The following KRABD3 variants were observed in gnomAD, a reference collection of about 807,000 sequenced individuals.
KRABD3 encodes KRAB domain-containing protein 3.
At chr7:149,730,077 C>T in the KRABD3 span, 6 of 1,431,954 alleles carry the variant, frequency 4.2e-6, no homozygotes, top group Non-Finnish European at 5.5e-6. Context: ...GTTCTGTGTG[C>T]CCAGACACTA....
At chr7:149,725,517 C>T in the KRABD3 span, 25 of 1,576,946 alleles carry the variant, frequency 1.6e-5, no homozygotes, top group African/African-American at 6.8e-5. Context: ...CGCGGGGTGG[C>T]ATGTCCCTGA....
chr7:149,730,681 C>G, the KRABD3 span: 4 of 1,321,864 alleles, frequency 3.0e-6, no homozygotes, highest in East Asian at 7.5e-5. Flanking sequence ...CCAGGGAGTC[C>G]TGCACATTGG....
chr7:149,722,493 A>AACCCC, the KRABD3 span: 1 of 935,712 alleles, frequency 1.1e-6, no homozygotes, highest in East Asian at 4.1e-5. Context: ...CAGCCCTCCC[A>AACCCC]CCCATAGCCC....
chr7:149,734,528 G>C, the KRABD3 span: 1 of 156,418 alleles, frequency 6.4e-6, no homozygotes, highest in Non-Finnish European at 1.4e-5. Context: ...GTCTAAGCTG[G>C]ACTTACCTCT....
the KRABD3 span, chr7:149,722,316 C>T: frequency 6.7e-7 from 1 of 1,500,690 alleles, no homozygotes; most frequent in African/African-American, 1.4e-5. Context: ...CGAACAGGGA[C>T]TTGGGTGGCT....
At chr7:149,724,795 G>A in the KRABD3 span, 1 of 1,597,954 alleles carries the variant, frequency 6.3e-7, no homozygotes, top group Non-Finnish European at 8.5e-7. Flanking sequence ...CAGTCCCTCA[G>A]CCACTGGAGA....
the KRABD3 span, chr7:149,715,312 G>C: frequency 8.2e-7 from 1 of 1,216,344 alleles, no homozygotes; most frequent in East Asian, 3.3e-5. Context: ...TTCGTTACAA[G>C]TTATCCTGGT....
chr7:149,719,552 A>G, the KRABD3 span: 3 of 1,583,060 alleles, frequency 1.9e-6, no homozygotes, highest in Non-Finnish European at 2.6e-6. The surrounding 1 kb of genome is among the most constrained non-coding windows in gnomAD (Gnocchi z 5.6). Context: ...GCAGGTGTCC[A>G]TCACCTTCAA....
At chr7:149,717,500 G>A in the KRABD3 span, among the ~76,000 whole-genome samples, 3 of 152,254 alleles carry the variant, frequency 2.0e-5, no homozygotes, top group Non-Finnish European at 2.9e-5. Context: ...CTCTTTGAGA[G>A]AAGTTTTGGA....
the KRABD3 span, among the ~76,000 whole-genome samples, chr7:149,732,910 G>C: frequency 2.6e-5 from 4 of 152,068 alleles, no homozygotes; most frequent in African/African-American, 9.7e-5. The surrounding 1 kb of genome is among the most constrained non-coding windows in gnomAD (Gnocchi z 4.0). Flanking sequence ...ACAACACAAA[G>C]ACCCACCGAT....
chr7:149,732,432 C>G, the KRABD3 span, among the ~76,000 whole-genome samples: 1 of 152,062 alleles, frequency 6.6e-6, no homozygotes, highest in Non-Finnish European at 1.5e-5. This position sits in a 1 kb window ranked among gnomAD's most constrained non-coding sequence, Gnocchi z 4.0. Flanking sequence ...CTGGAGGTGC[C>G]GAAAAGAGCA....
chr7:149,724,001 G>A, the KRABD3 span: 517 of 1,181,776 alleles, frequency 4.4e-4, 9 homozygotes, highest in South Asian at 6.6e-3. Flanking sequence ...ATATTGGCCT[G>A]TCGGGAAGAG....
the KRABD3 span, among the ~76,000 whole-genome samples, chr7:149,717,876 T>A: frequency 6.6e-6 from 1 of 152,164 alleles, no homozygotes; most frequent in Non-Finnish European, 1.5e-5. Context: ...GTTGTGACCT[T>A]GGCACACTGC....
At chr7:149,732,622 AAAAC>A in the KRABD3 span, among the ~76,000 whole-genome samples, 57 of 149,440 alleles carry the variant, frequency 3.8e-4, no homozygotes, top group African/African-American at 1.4e-3. The surrounding 1 kb of genome is among the most constrained non-coding windows in gnomAD (Gnocchi z 4.0). Context: ...TTTTTTAAAA[AAAAC>A]AAAAAGCTTA....
the KRABD3 span, chr7:149,725,765 A>T: frequency 1.0e-6 from 1 of 979,000 alleles, no homozygotes; most frequent in Non-Finnish European, 1.5e-6. Context: ...AATCAGTGCC[A>T]CAGGGAAACC....
chr7:149,725,381 G>T, the KRABD3 span: 1 of 1,608,914 alleles, frequency 6.2e-7, no homozygotes. Flanking sequence ...CCCCCAAATG[G>T]GTCGTCACCT....
At chr7:149,716,289 G>A in the KRABD3 span, among the ~76,000 whole-genome samples, 1 of 152,238 alleles carries the variant, frequency 6.6e-6, no homozygotes, top group Non-Finnish European at 1.5e-5. Context: ...GGTGATGTTA[G>A]GAGGACCAGT....
the KRABD3 span, among the ~76,000 whole-genome samples, chr7:149,731,010 A>G: frequency 6.6e-6 from 1 of 152,182 alleles, no homozygotes; most frequent in Admixed American, 6.5e-5. Context: ...TTGCTTCTCA[A>G]TCTCACTGTG....
At chr7:149,732,948 A>G in the KRABD3 span, among the ~76,000 whole-genome samples, 8 of 152,182 alleles carry the variant, frequency 5.3e-5, no homozygotes, top group African/African-American at 1.9e-4. This position sits in a 1 kb window ranked among gnomAD's most constrained non-coding sequence, Gnocchi z 4.0. Context: ...ACCGCAGTTT[A>G]GGAAAGCCTG....
Sources: allele counts gnomAD v4.1 joint callset (sites outside exome capture counted in the v4.1 genomes callset), GRCh38; gene constraint gnomAD v4.1.1; non-coding constraint Gnocchi (gnomAD v3.1); transcripts MANE v1.5; gene names NCBI Gene and HGNC (gene_info 2026-07-23, HGNC 2026-07-21).